The following SH3TC1 variants were observed in gnomAD, a reference collection of about 807,000 sequenced individuals.
SH3TC1 encodes the protein SH3 domain and tetratricopeptide repeat-containing protein 1.
In SH3TC1, 135 loss-of-function variants were observed where a neutral mutation model predicts 117.3. That is an observed-to-expected ratio of 1.15 (90% CI 1.00 to 1.33). SH3TC1 has a LOEUF of 1.33. Ranked by LOEUF, SH3TC1 falls within the 40% of genes most tolerant of loss-of-function variation. The pLI is 0.00. For missense variants in SH3TC1, 2,092 were observed against 1,794.3 expected, an observed-to-expected ratio of 1.17 and a Z score of -3.00; for synonymous variants, 898 against 816.9, an observed-to-expected ratio of 1.10 and a Z score of -1.69.
chr4:8,198,521 T>C (rs1293427341), upstream of SH3TC1, among the ~76,000 whole-genome samples: 1 of 152,240 alleles, frequency 6.6e-6, no homozygotes, highest in African/African-American at 2.4e-5. Flanking sequence ...GTTCTGCCTC[T>C]TGTCCCAGCT....
chr4:8,201,645 T>C (rs1281123), intron 1 of SH3TC1: 148,501 of 152,490 alleles, frequency 0.97, 72,386 homozygotes, highest in East Asian at 1. Flanking sequence ...GGGGACGCTG[T>C]GGAGAAGGAG....
chr4:8,215,853 G>A (rs539620374), intron 5 of SH3TC1, among the ~76,000 whole-genome samples: 26 of 152,364 alleles, frequency 1.7e-4, no homozygotes, highest in South Asian at 1.7e-3. Context: ...ATATGGAGGC[G>A]TGGAGAGGTC....
At position 8,237,511 on chromosome 4, in the gene SH3TC1, G is replaced by A. The variant is rs1721927715; in HGVS notation, c.3594G>A (p.Leu1198=). Residue 1198 remains leucine, a synonymous_variant, in exon 17 of 18, where the codon CTG becomes CTA. Coordinates refer to ENST00000245105, the MANE Select transcript of SH3TC1 (RefSeq NM_018986.5). ...ACGAGCGCGTGGCCTACCACCGGCTGGCCGCCCTGCAACACCGACTGGGCC... is the reference window on the plus strand; with the variant it reads ...ACGAGCGCGTGGCCTACCACCGGCTAGCCGCCCTGCAACACCGACTGGGCC... ...RLNERVAYHR[L]AALQHRLGHG... is the part of the protein sequence containing the mutation. 2 of 1,603,984 alleles carry A rather than the reference G, an allele frequency of 1.2e-6. No homozygotes were observed. Among genetic ancestry groups the A allele is most frequent in the Non-Finnish European group, 1.7e-6 (2 of 1,175,762 alleles).
chr4:8,225,158 C>A lies in SH3TC1; in HGVS notation c.1244-17C>A, dbSNP rs374697692. ...CTGGCTGGGGGTGTTGATTGCTTCT[C>A]TTTTCTCCCTTGCCAGACTCAGTAG... On this transcript the variant is annotated splice_polypyrimidine_tract_variant and intron_variant, in intron 10 of 17. Transcript: ENST00000245105. The surrounding 1 kb of genome is among the most constrained non-coding windows in gnomAD (Gnocchi z 5.5). The A allele has an allele frequency of 3.7e-6, 6 of 1,613,716 alleles. No individual in the cohort carries two copies. The highest frequency in any genetic ancestry group is 1.7e-5 in the Admixed American group (1 of 59,984).
chr4:8,215,048 G>A (rs1719119919), intron 5 of SH3TC1: 6 of 436,940 alleles, frequency 1.4e-5, no homozygotes, highest in South Asian at 3.2e-5. Flanking sequence ...TGCGCACCTG[G>A]TGCTCAGGGA....
chr4:8,233,088 C>T, intron 13 of SH3TC1: 1 of 1,290,972 alleles, frequency 7.7e-7, no homozygotes. Context: ...AAGACACAGG[C>T]CATGTCTGGG....
At chr4:8,218,227 A>C in intron 7 of SH3TC1, 44 bp from the exon 8 acceptor site, 1 of 1,536,182 alleles carries the variant, frequency 6.5e-7, no homozygotes, top group East Asian at 2.3e-5. Context: ...TATCTGCCCC[A>C]AATCTGAAAT....
Position 8,192,740 on chromosome 4 carries a change from C to A in SH3TC1, c.-57+10530C>A, listed in dbSNP as rs1425088387. On this transcript the variant is annotated intron_variant, in intron 1 of 16. Coordinates refer to the SH3TC1 transcript ENST00000508641. This position sits in a 1 kb window ranked among gnomAD's most constrained non-coding sequence, Gnocchi z 4.1. ...AACTCCTGACCTCGTGATCCACCTG[C>A]CTTGGTCTCCCTAAGTGCTGGGATT... Among the ~76,000 whole-genome samples the A allele has an allele frequency of 6.6e-6, 1 of 152,160 alleles. No individual in the cohort carries two copies. Among genetic ancestry groups the A allele is most frequent in the Non-Finnish European group, 1.5e-5 (1 of 68,046 alleles).
chr4:8,240,130 T>A (rs535006892), intron 17 of SH3TC1, among the ~76,000 whole-genome samples: 4 of 151,544 alleles, frequency 2.6e-5, no homozygotes, highest in African/African-American at 9.7e-5. Flanking sequence ...AAGGAGGAGG[T>A]CTGGGAAGTG....
At chr4:8,202,863 C>T (rs1350965539) in intron 1 of SH3TC1, among the ~76,000 whole-genome samples, 14 of 152,190 alleles carry the variant, frequency 9.2e-5, no homozygotes, top group Admixed American at 9.2e-4. Flanking sequence ...GTCTCCCTCC[C>T]TCTGTGTGGG....
chr4:8,212,955 A>G, intron 4 of SH3TC1, 127 bp downstream of exon 4: 1 of 1,311,094 alleles, frequency 7.6e-7, no homozygotes, highest in Non-Finnish European at 1.0e-6. Flanking sequence ...CACTCAGGAC[A>G]GTGGTGGCCT....
In SH3TC1 at chr4:8,233,310, A is replaced by G. The variant is rs1578742920; in HGVS notation, c.3132-53A>G. 7.1e-6 allele frequency: 11 copies of G among 1,551,074 alleles called. No individual in the cohort carries two copies. In the East Asian group the frequency reaches 2.1e-4, roughly 29 times the overall value. ...TCACCAGACCCACGGGAGGAGGCAGACTGGTTCCAGGAGGATGACAGCCCT... is the reference window on the plus strand; with the variant it reads ...TCACCAGACCCACGGGAGGAGGCAGGCTGGTTCCAGGAGGATGACAGCCCT... On this transcript the variant is annotated intron_variant, in intron 13 of 17. Coordinates refer to ENST00000245105, the MANE Select transcript of SH3TC1 (RefSeq NM_018986.5).
rs753799909 is a variant in SH3TC1, at chr4:8,227,972, A to T, written c.2278A>T (p.Ser760Cys). ...GCTCCAGAACGCCCCCCAGCCCCAC[A>T]GCCTCCCTGCCCAAACTTCCCACTA... ...LVLQNAPQPHSLPAQTSHYLR... is the reference protein window; with the variant it reads ...LVLQNAPQPHCLPAQTSHYLR... The change falls in exon 12 of 18, where the codon AGC becomes TGC. Residue 760 changes from serine to cysteine, a missense_variant. Ser to Cys is a moderately radical substitution (Grantham distance 112). Transcript: ENST00000245105. 3 of 1,612,298 alleles carry T rather than the reference A, an allele frequency of 1.9e-6. No individual in the cohort carries two copies. Among genetic ancestry groups the T allele is most frequent in the Non-Finnish European group, 2.5e-6 (3 of 1,179,736 alleles).
chr4:8,236,160 G>A, intron 15 of SH3TC1, 118 bp from the exon 16 acceptor site: 1 of 1,287,560 alleles, frequency 7.8e-7, no homozygotes, highest in East Asian at 2.8e-5. Flanking sequence ...ACACAGCTGT[G>A]TCGAGGCCCA....
At chr4:8,230,709 T>C (rs961429691) in intron 12 of SH3TC1, among the ~76,000 whole-genome samples, 2 of 152,138 alleles carry the variant, frequency 1.3e-5, no homozygotes, top group African/African-American at 4.8e-5. Flanking sequence ...TTTCTTTGCA[T>C]GTAGACATTT....
At chr4:8,233,554 A>T (rs1184314886) in intron 14 of SH3TC1, 41 bp downstream of exon 14, 2 of 1,545,022 alleles carry the variant, frequency 1.3e-6, no homozygotes, top group Non-Finnish European at 1.7e-6. Flanking sequence ...GCACATGTTC[A>T]CTCTCCATCC....
In SH3TC1 at chr4:8,227,833, G is replaced by A; in HGVS notation, c.2139G>A (p.Leu713=). 2 of 1,612,802 alleles carry A rather than the reference G, an allele frequency of 1.2e-6. No homozygotes were observed. Among genetic ancestry groups the A allele is most frequent in the African/African-American group, 1.3e-5 (1 of 75,054 alleles). ...GGCTCTCAGACTGCTACCTACTCCT[G>A]GCTGACATCTACAGCCGCAAGTGCC... ...AAWLSDCYLL[L]ADIYSRKCLP... is the part of the protein sequence containing the mutation. Residue 713 remains leucine, a synonymous_variant, in exon 12 of 18, where the codon CTG becomes CTA. Transcript: ENST00000245105.
In SH3TC1 at chr4:8,225,368, G is replaced by T; in HGVS notation, c.1285+152G>T. ...TGGGGGCTTGGGGGAGGTTGCCTGA[G>T]GTGGGCCTGAACCTCCCGTCCACTG... is the stretch of plus-strand genomic sequence containing the variant. On this transcript the variant is annotated intron_variant, in intron 11 of 17. Coordinates refer to ENST00000245105, the MANE Select transcript of SH3TC1 (RefSeq NM_018986.5). This position sits in a 1 kb window ranked among gnomAD's most constrained non-coding sequence, Gnocchi z 5.5. The T allele has an allele frequency of 1.2e-6, 1 of 827,924 alleles. No individual in the cohort carries two copies. The highest frequency in any genetic ancestry group is 1.9e-6 in the Non-Finnish European group (1 of 520,878). 51.3% of individuals were successfully genotyped at this position (827,924 alleles called of 1,614,324 possible). A position where few individuals can be genotyped will look rare whatever the true frequency, so the allele number is the denominator to read the frequency against.
Position 8,233,438 on chromosome 4 carries a change from G to A in SH3TC1, c.3207G>A (p.Glu1069=). The change falls in exon 14 of 18, where the codon GAG becomes GAA. Residue 1069 remains glutamate, a synonymous_variant. Transcript: ENST00000245105. ...IFIDLQKKEK[E]AHAWLQAGKI... is the part of the protein sequence containing the mutation. The stretch of plus-strand genomic sequence containing the variant: ...TTGACCTCCAGAAGAAAGAGAAGGA[G>A]GCGCATGCCTGGCTGCAAGCAGGGA... 6.2e-7 allele frequency: 1 copy of A among 1,613,972 alleles called. No individual in the cohort carries two copies. Among genetic ancestry groups the A allele is most frequent in the South Asian group, 1.1e-5 (1 of 91,038 alleles).
Sources: allele counts gnomAD v4.1 joint callset (sites outside exome capture counted in the v4.1 genomes callset), GRCh38; gene constraint gnomAD v4.1.1; non-coding constraint Gnocchi (gnomAD v3.1); transcripts MANE v1.5; gene names NCBI Gene and HGNC (gene_info 2026-07-23, HGNC 2026-07-21).